RSPO3: variants seen among roughly 807,000 people sequenced by gnomAD.
RSPO3 encodes the protein R-spondin 3.
A neutral mutation model predicts 36.5 loss-of-function variants in RSPO3; 17 were observed. The ratio of observed to expected loss-of-function variants is 0.47; its 90% CI spans 0.32 to 0.70. The LOEUF is 0.70. RSPO3 is among the 30% of genes least tolerant of loss of function. RSPO3 has a pLI of 0.04. For missense variants in RSPO3, 294 were observed against 322.5 expected (o/e 0.91, Z 0.68); for synonymous variants, 108 against 107.0 (o/e 1.01, Z -0.06).
chr6:127,194,917 T>C (rs1464148506), intron 4 of RSPO3, among the ~76,000 whole-genome samples: 3 of 152,200 alleles, frequency 2.0e-5, no homozygotes, highest in East Asian at 3.8e-4. Flanking sequence ...CAGAGGGTTA[T>C]TGATCAGTTA....
At chr6:127,138,293 A>G (rs951501430) in intron 1 of RSPO3, among the ~76,000 whole-genome samples, 11 of 152,112 alleles carry the variant, frequency 7.2e-5, no homozygotes, top group African/African-American at 2.7e-4. Context: ...CTGTTTAAGT[A>G]GGTGTGTATC....
chr6:127,144,911 C>T (rs114263728), intron 1 of RSPO3, among the ~76,000 whole-genome samples: 2,754 of 152,066 alleles, frequency 0.018, 73 homozygotes, highest in African/African-American at 0.061. Context: ...CGTGAGCCAC[C>T]GTGCCAGGCC....
At chr6:127,179,892 C>T (rs1249457401) in intron 4 of RSPO3, among the ~76,000 whole-genome samples, 1 of 151,832 alleles carries the variant, frequency 6.6e-6, no homozygotes, top group Non-Finnish European at 1.5e-5. Context: ...CACTCTTCTG[C>T]CTCTTCTTCC....
chr6:127,144,640 C>CTTTTTTTTTTTTTTTTTTT (rs140423963), intron 1 of RSPO3, among the ~76,000 whole-genome samples: 36 of 61,330 alleles, frequency 5.9e-4, no homozygotes, highest in African/African-American at 1.1e-3. Context: ...GTAGCTTCCC[C>CTTTTTTTTTTTTTTTTTTT]TTGTTTTTTT....
chr6:127,161,197 T>G (rs995383729), intron 4 of RSPO3, among the ~76,000 whole-genome samples: 8 of 152,154 alleles, frequency 5.3e-5, no homozygotes, highest in African/African-American at 1.2e-4. Context: ...GCCTAGGTTT[T>G]TGGGTTGAAG....
At position 127,197,317 on chromosome 6, in the gene RSPO3, C is replaced by T. The variant is rs754264037; in HGVS notation, c.*1310C>T. 58 of 1,403,120 alleles carry T rather than the reference C, an allele frequency of 4.1e-5. 1 individual carries two copies. In the Middle Eastern group the frequency reaches 1.8e-3, roughly 44 times the overall value. 86.9% of individuals were successfully genotyped at this position (1,403,120 alleles called of 1,614,324 possible). On this transcript the variant is annotated 3_prime_UTR_variant, in exon 5 of 5. Transcript: ENST00000356698. ...GGCCTCCCTAGCTGATTTCACTGCTCCCCCTTCATTGCTTAGAAATGGGCA... is the reference window on the plus strand; with the variant it reads ...GGCCTCCCTAGCTGATTTCACTGCTTCCCCTTCATTGCTTAGAAATGGGCA...
rs1179355260 is a variant in RSPO3, at chr6:127,150,545, A to G, written c.409A>G (p.Asn137Asp). The G allele has an allele frequency of 6.2e-7, 1 of 1,612,058 alleles. No individual in the cohort carries two copies. Among genetic ancestry groups the G allele is most frequent in the Non-Finnish European group, 8.5e-7 (1 of 1,178,882 alleles). Residue 137 changes from asparagine (N) to aspartate (D), a missense_variant, in exon 3 of 5, where the codon AAC becomes GAC. Transcript: ENST00000356698. The part of the protein sequence containing the change: ...DNCPEGLEAN[N>D]HTMECVSIVH... ...TTGCCCAGAAGGGTTGGAAGCCAACAACCATACTATGGAGTGTGTCAGTAT... is the reference window on the plus strand; with the variant it reads ...TTGCCCAGAAGGGTTGGAAGCCAACGACCATACTATGGAGTGTGTCAGTAT...
At chr6:127,124,267 T>TC (rs2114535848) in intron 1 of RSPO3, among the ~76,000 whole-genome samples, 1 of 152,224 alleles carries the variant, frequency 6.6e-6, no homozygotes, top group Non-Finnish European at 1.5e-5. Context: ...TCTTCCTACT[T>TC]CTTCACTATT....
At position 127,197,430 on chromosome 6, in the gene RSPO3, T is replaced by C. The variant is rs936277524; in HGVS notation, c.*1423T>C. ...TCTATCTGTGGATCTCTTTAGGGGATTGAAGTCACCCTAGCTGAAGGCCTC... is the reference window on the plus strand; with the variant it reads ...TCTATCTGTGGATCTCTTTAGGGGACTGAAGTCACCCTAGCTGAAGGCCTC... On this transcript the variant is annotated 3_prime_UTR_variant, in exon 5 of 5. Transcript: ENST00000356698. 59 of 1,550,528 alleles carry C rather than the reference T, an allele frequency of 3.8e-5. No homozygotes were observed. The highest frequency in any genetic ancestry group is 4.8e-5 in the Non-Finnish European group (55 of 1,146,956).
chr6:127,161,448 G>A (rs764256418), intron 4 of RSPO3, among the ~76,000 whole-genome samples: 3 of 152,092 alleles, frequency 2.0e-5, no homozygotes, highest in Non-Finnish European at 4.4e-5. Context: ...TCAGCCAGCA[G>A]TTACTACCTC....
chr6:127,178,985 T>A (rs947344531), intron 4 of RSPO3, among the ~76,000 whole-genome samples: 6 of 151,866 alleles, frequency 4.0e-5, no homozygotes, highest in African/African-American at 1.4e-4. Flanking sequence ...TGTGGGTGCA[T>A]AGAGGAAGAC....
intron 4 of RSPO3, among the ~76,000 whole-genome samples, chr6:127,156,775 C>T (rs985729177): frequency 2.6e-5 from 4 of 152,020 alleles, no homozygotes; most frequent in Non-Finnish European, 4.4e-5. Flanking sequence ...ATCACAACAT[C>T]GTAGAATAAG....
At chr6:127,190,454 A>C (rs1460666105) in intron 4 of RSPO3, among the ~76,000 whole-genome samples, 1 of 152,164 alleles carries the variant, frequency 6.6e-6, no homozygotes. Context: ...AAAAGAAAAA[A>C]GAACAAAAGC....
At chr6:127,145,266 G>A (rs1035048789) in intron 1 of RSPO3, among the ~76,000 whole-genome samples, 10 of 151,928 alleles carry the variant, frequency 6.6e-5, no homozygotes, top group Non-Finnish European at 8.8e-5. Context: ...AAATATCCTT[G>A]AAACATGCAT....
chr6:127,171,906 T>A (rs1774941517), intron 4 of RSPO3, among the ~76,000 whole-genome samples: 1 of 151,676 alleles, frequency 6.6e-6, no homozygotes. Flanking sequence ...TATTAATAAA[T>A]GGCAGATGAC....
At chr6:127,180,499 A>C (rs1360838387) in intron 4 of RSPO3, among the ~76,000 whole-genome samples, 2 of 149,016 alleles carry the variant, frequency 1.3e-5, no homozygotes, top group Non-Finnish European at 3.0e-5. Context: ...AAAAAAAAAA[A>C]AAAAAAAAAA....
intron 1 of RSPO3, among the ~76,000 whole-genome samples, chr6:127,119,618 G>T (rs1773796462): frequency 6.6e-6 from 1 of 152,348 alleles, no homozygotes; most frequent in African/African-American, 2.4e-5. Flanking sequence ...TTTGAGGATC[G>T]GACAGGGGCA....
chr6:127,162,612 G>A (rs760003094), intron 4 of RSPO3, among the ~76,000 whole-genome samples: 5 of 152,130 alleles, frequency 3.3e-5, no homozygotes, highest in South Asian at 4.1e-4. Context: ...TCCACCATGT[G>A]CTGGGCACTC....
In RSPO3 at chr6:127,144,797, T is replaced by C. The variant is rs151135050; in HGVS notation, c.98-3851T>C. Among the ~76,000 whole-genome samples, 74 of 151,980 alleles carry C rather than the reference T, an allele frequency of 4.9e-4. No individual in the cohort carries two copies. In the East Asian group the frequency reaches 0.014, roughly 29 times the overall value. ...CCACCACACTGGGCTAATTTTTGTA[T>C]TGTTAGTAGAGACGGAGTTTCACCA... On this transcript the variant is annotated intron_variant, in intron 1 of 4. Transcript: ENST00000356698.
Sources: gnomAD v4.1 joint callset for allele counts (sites outside exome capture counted in the v4.1 genomes callset) on GRCh38, gnomAD v4.1.1 for gene constraint, MANE v1.5 for transcripts, NCBI Gene and HGNC (gene_info 2026-07-23, HGNC 2026-07-21) for gene names.